The following SAMD12 variants were observed in gnomAD, a reference collection of about 807,000 sequenced individuals.
SAMD12 encodes sterile alpha motif domain containing 12.
SAMD12 carries 9 observed loss-of-function variants against 15.0 expected under a neutral mutation model. The ratio of observed to expected loss-of-function variants is 0.60; its 90% CI spans 0.36 to 1.05. The LOEUF is 1.05. SAMD12 is among the 50% of genes least tolerant of loss of function. SAMD12 has a pLI of 0.01. For missense variants in SAMD12, 230 were observed against 234.2 expected, an observed-to-expected ratio of 0.98 and a Z score of 0.12; for synonymous variants, 86 against 90.1, an observed-to-expected ratio of 0.96 and a Z score of 0.25.
intron 3 of SAMD12, among the ~76,000 whole-genome samples, chr8:118,426,551 G>A (rs114570254): frequency 0.02 from 3,050 of 152,278 alleles, 53 homozygotes; most frequent in Middle Eastern, 0.041. Flanking sequence ...ATTTTCTAAA[G>A]CAAGGCTGCT....
the SAMD12 span, among the ~76,000 whole-genome samples, chr8:118,142,407 A>C: frequency 6.6e-6 from 1 of 152,164 alleles, no homozygotes; most frequent in Non-Finnish European, 1.5e-5. Context: ...TCAATTCTTC[A>C]AACCCTAACT....
intron 4 of SAMD12, among the ~76,000 whole-genome samples, chr8:118,229,460 C>A (rs1812259858): frequency 6.6e-6 from 1 of 152,102 alleles, no homozygotes; most frequent in Non-Finnish European, 1.5e-5. Flanking sequence ...CCCAAGTCCA[C>A]AGTATACCTT....
At chr8:118,402,715 A>G (rs967059395) in intron 3 of SAMD12, among the ~76,000 whole-genome samples, 1 of 152,212 alleles carries the variant, frequency 6.6e-6, no homozygotes, top group African/African-American at 2.4e-5. Flanking sequence ...GATATGGCAG[A>G]AGGAGCCCTG....
At chr8:118,361,374 G>A (rs1191728492) in intron 4 of SAMD12, among the ~76,000 whole-genome samples, 1 of 152,042 alleles carries the variant, frequency 6.6e-6, no homozygotes, top group Non-Finnish European at 1.5e-5. Flanking sequence ...CTACCTCATC[G>A]GACACATAGT....
At chr8:118,594,859 T>A (rs914073094) in intron 1 of SAMD12, among the ~76,000 whole-genome samples, 1 of 152,222 alleles carries the variant, frequency 6.6e-6, no homozygotes, top group Non-Finnish European at 1.5e-5. Flanking sequence ...GTGATGCAAT[T>A]TGTCTCATTA....
At chr8:118,208,123 A>G (rs946031536) in intron 4 of SAMD12, among the ~76,000 whole-genome samples, 2 of 152,018 alleles carry the variant, frequency 1.3e-5, no homozygotes, top group Non-Finnish European at 2.9e-5. Flanking sequence ...TGGGTGTGGT[A>G]GTGCATGCCT....
the SAMD12 span, among the ~76,000 whole-genome samples, chr8:118,140,494 A>G: frequency 6.6e-6 from 1 of 151,436 alleles, no homozygotes; most frequent in South Asian, 2.1e-4. Flanking sequence ...CTGGCCTCAA[A>G]CTCCTGGACA....
chr8:118,421,437 TA>T (rs1295512869), intron 3 of SAMD12, among the ~76,000 whole-genome samples: 4 of 152,232 alleles, frequency 2.6e-5, no homozygotes, highest in Non-Finnish European at 4.4e-5. Flanking sequence ...GTTTAAGTTG[TA>T]ATTGCTGAGC....
At chr8:118,613,732 G>T (rs1464300087) in intron 1 of SAMD12, among the ~76,000 whole-genome samples, 1 of 152,086 alleles carries the variant, frequency 6.6e-6, no homozygotes, top group Non-Finnish European at 1.5e-5. Flanking sequence ...CACTTTCATG[G>T]AGTCCATGAA....
intron 4 of SAMD12, among the ~76,000 whole-genome samples, chr8:118,231,119 G>A (rs557741375): frequency 1.3e-5 from 2 of 152,212 alleles, no homozygotes; most frequent in Non-Finnish European, 1.5e-5. Context: ...GTTGTTATGG[G>A]GAATAAGTGA....
intron 1 of SAMD12, among the ~76,000 whole-genome samples, chr8:118,596,258 A>G: frequency 6.6e-6 from 1 of 152,308 alleles, no homozygotes; most frequent in Non-Finnish European, 1.5e-5. Context: ...AACAGCCAAT[A>G]CACCTGCCAG....
intron 2 of SAMD12, among the ~76,000 whole-genome samples, chr8:118,544,094 G>A (rs1826060388): frequency 6.6e-6 from 1 of 151,924 alleles, no homozygotes; most frequent in African/African-American, 2.4e-5. Context: ...AACTCTCCAT[G>A]GTTTAGGCGA....
intron 3 of SAMD12, chr8:118,395,030 A>G (rs1286743193): frequency 6.6e-6 from 1 of 152,100 alleles, no homozygotes; most frequent in Non-Finnish European, 1.5e-5. Context: ...CCGTTTTCCC[A>G]TCTCATCAGT....
At chr8:118,230,531 T>C (rs566445045) in intron 4 of SAMD12, among the ~76,000 whole-genome samples, 10 of 152,030 alleles carry the variant, frequency 6.6e-5, no homozygotes, top group Admixed American at 1.3e-4. Flanking sequence ...GCAGTCAGGT[T>C]TGAGCTCCTT....
rs1826496908 is a variant in SAMD12 at position 118,555,363 on chromosome 8, T to C, written c.192+25352A>G. Among the ~76,000 whole-genome samples, 4 of 152,210 alleles carry C rather than the reference T, an allele frequency of 2.6e-5. No homozygotes were observed. The South Asian group carries it at 8.3e-4, about 31-fold the overall frequency. ...TCACAGTTTTCTCATGGTATTTTTC[T>C]CTCTTTTTGAGTGGGTGCCAGAAAA... On this transcript the variant is annotated intron_variant, in intron 2 of 3. Transcript: ENST00000314727.
intron 2 of SAMD12, among the ~76,000 whole-genome samples, chr8:118,558,120 T>C (rs1037331187): frequency 7.2e-5 from 11 of 152,244 alleles, no homozygotes; most frequent in Admixed American, 6.5e-5. Context: ...ATAAAAAGTA[T>C]ATCTACGCAA....
exon 5 of SAMD12, chr8:118,197,640 A>T: frequency 2.4e-6 from 3 of 1,254,594 alleles, no homozygotes; most frequent in Non-Finnish European, 2.3e-6. Flanking sequence ...GCCATGGGTT[A>T]GTCTTTCTGT....
intron 3 of SAMD12, among the ~76,000 whole-genome samples, chr8:118,411,667 A>C (rs559829986): frequency 2.0e-5 from 3 of 152,290 alleles, no homozygotes; most frequent in Middle Eastern, 6.8e-3. Context: ...GAATTCCAAT[A>C]AGATTCCTGG....
intron 4 of SAMD12, among the ~76,000 whole-genome samples, chr8:118,363,758 T>A (rs1818624206): frequency 6.6e-6 from 1 of 152,236 alleles, no homozygotes; most frequent in African/African-American, 2.4e-5. Flanking sequence ...GAATTCAGAC[T>A]AATAGAAATA....
Sources: gnomAD v4.1 joint callset for allele counts (sites outside exome capture counted in the v4.1 genomes callset) on GRCh38, gnomAD v4.1.1 for gene constraint, MANE v1.5 for transcripts, NCBI Gene and HGNC (gene_info 2026-07-23, HGNC 2026-07-21) for gene names.